Variants in SLC25A33 observed in about 807,000 individuals in gnomAD.
The protein encoded by SLC25A33 is solute carrier family 25 member 33, also known as bone marrow stromal cell mitochondrial carrier protein.
Under a neutral mutation model 35.5 loss-of-function variants are expected in SLC25A33, and 15 were observed. The observed-to-expected ratio is 0.42, with a 90% CI of 0.28 to 0.65. SLC25A33 has a LOEUF of 0.65. Among genes scored for constraint, SLC25A33 ranks in the 30% least tolerant of loss-of-function variants. SLC25A33 has a pLI of 0.20. For missense variants in SLC25A33, 257 were observed against 398.5 expected (o/e 0.64, Z 3.02); for synonymous variants, 136 against 148.7 (o/e 0.91, Z 0.62).
At chr1:9,556,675 CTG>C (rs1334964137) in intron 2 of SLC25A33, among the ~76,000 whole-genome samples, 1 of 149,310 alleles carries the variant, frequency 6.7e-6, no homozygotes, top group Non-Finnish European at 1.5e-5. Context: ...GTGTGTGTGT[CTG>C]TGTCTGTGTG....
At chr1:9,543,468 A>G (rs1474979401) in intron 1 of SLC25A33, among the ~76,000 whole-genome samples, 2 of 152,186 alleles carry the variant, frequency 1.3e-5, no homozygotes, top group East Asian at 1.9e-4. Flanking sequence ...CTATTGTTTA[A>G]ACCACCTCAT....
chr1:9,553,589 G>T, intron 1 of SLC25A33, 37 bp from the exon 2 acceptor site: 2 of 1,609,260 alleles, frequency 1.2e-6, no homozygotes, highest in Non-Finnish European at 1.7e-6. Flanking sequence ...GTAGGGAATA[G>T]TATAGCTTCT....
intron 5 of SLC25A33, chr1:9,576,891 T>C: frequency 1.5e-6 from 2 of 1,296,108 alleles, no homozygotes; most frequent in Non-Finnish European, 2.2e-6. Flanking sequence ...TCAGTTGCCT[T>C]GATTCAGCAA....
chr1:9,579,818 G>T, intron 5 of SLC25A33, 136 bp from the exon 6 acceptor site: 3 of 1,036,836 alleles, frequency 2.9e-6, no homozygotes, highest in Admixed American at 2.9e-5. Flanking sequence ...AAAGACAAGG[G>T]CTATGAGAGT....
chr1:9,575,085 C>T (rs938629832), intron 5 of SLC25A33, among the ~76,000 whole-genome samples: 5 of 151,572 alleles, frequency 3.3e-5, no homozygotes, highest in South Asian at 4.2e-4. Context: ...TGATGGTGGG[C>T]GCCTGTAGTC....
In SLC25A33 at chr1:9,582,512, A is replaced by T. The variant is rs201071322; in HGVS notation, c.*11A>T. ...GACCGTACTCAGTAACAGGCCGGAA[A>T]ATTGTGCTCTAGAAGAATAAAACTG... On this transcript the variant is annotated 3_prime_UTR_variant, in exon 7 of 7. Transcript: ENST00000302692. The surrounding 1 kb of genome is among the most constrained non-coding windows in gnomAD (Gnocchi z 4.0). 6.9e-6 allele frequency: 11 copies of T among 1,604,924 alleles called. No individual in the cohort carries two copies. Among genetic ancestry groups the T allele is most frequent in the Non-Finnish European group, 2.6e-6 (3 of 1,174,280 alleles).
At chr1:9,540,360 G>A (rs1227621550) in intron 1 of SLC25A33, among the ~76,000 whole-genome samples, 1 of 152,160 alleles carries the variant, frequency 6.6e-6, no homozygotes, top group African/African-American at 2.4e-5. Context: ...TCGCCGGCTG[G>A]TAGACGCTTC....
chr1:9,554,876 C>T (rs1249362199), intron 2 of SLC25A33, among the ~76,000 whole-genome samples: 1 of 152,092 alleles, frequency 6.6e-6, no homozygotes, highest in Non-Finnish European at 1.5e-5. Flanking sequence ...CAGAAGAGAA[C>T]TGATTGAATA....
At chr1:9,573,545 G>A (rs556790976) in intron 5 of SLC25A33, 133 bp downstream of exon 5, 5 of 705,316 alleles carry the variant, frequency 7.1e-6, no homozygotes, top group Admixed American at 5.6e-5. Flanking sequence ...CTAAGTGCAC[G>A]CAGGATTCCT....
At chr1:9,572,908 A>G (rs1013123945) in intron 4 of SLC25A33, among the ~76,000 whole-genome samples, 3 of 152,070 alleles carry the variant, frequency 2.0e-5, no homozygotes, top group African/African-American at 7.2e-5. Flanking sequence ...CTACAAAAAA[A>G]AAAAAAAAAA....
At position 9,563,688 on chromosome 1, in the gene SLC25A33, T is replaced by C. The variant is rs559326132; in HGVS notation, c.237-3596T>C. Among the ~76,000 whole-genome samples the C allele has an allele frequency of 9.7e-4, 147 of 152,304 alleles. 1 individual carries two copies. The highest frequency in any genetic ancestry group is 3.4e-3 in the African/African-American group (143 of 41,560). On this transcript the variant is annotated intron_variant, in intron 2 of 6. Transcript: ENST00000302692. ...TCATCATACCTTCTGTGTGTTATAA[T>C]GAAAGTAAAACATTCTATTAACTTT...
In SLC25A33 at chr1:9,553,682, G is replaced by A. The variant is rs986825706; in HGVS notation, c.113G>A (p.Arg38Gln). The A allele has an allele frequency of 5.0e-6, 8 of 1,613,982 alleles. No homozygotes were observed. Among genetic ancestry groups the A allele is most frequent in the African/African-American group, 2.7e-5 (2 of 74,914 alleles). ...FTCPLEVIKT[R>Q]LQSSRLALRT... ...TGTCCACTAGAAGTCATTAAGACAC[G>A]GTTGCAGTCTTCAAGATTAGCTCTC... is the stretch of plus-strand genomic sequence containing the variant. The change falls in exon 2 of 7, where the codon CGG (arginine) becomes CAG (glutamine). Residue 38 changes from arginine to glutamine, a missense_variant. Arg to Gln is a conservative substitution (Grantham distance 43). Coordinates refer to ENST00000302692, the MANE Select transcript of SLC25A33 (RefSeq NM_032315.3).
chr1:9,574,881 C>T (rs1557536386), intron 5 of SLC25A33, among the ~76,000 whole-genome samples: 1 of 152,156 alleles, frequency 6.6e-6, no homozygotes, highest in Non-Finnish European at 1.5e-5. Flanking sequence ...GATGCATTTT[C>T]TCCCCAGTCC....
intron 2 of SLC25A33, among the ~76,000 whole-genome samples, chr1:9,557,315 T>C (rs1215783843): frequency 2.6e-5 from 4 of 152,352 alleles, no homozygotes; most frequent in African/African-American, 9.6e-5. Context: ...TTATAATGTT[T>C]TGTCAGAAAG....
intron 1 of SLC25A33, 33 bp downstream of exon 1, chr1:9,539,780 C>G: frequency 7.4e-7 from 1 of 1,342,770 alleles, no homozygotes; most frequent in South Asian, 1.8e-5. Flanking sequence ...GCGCGCCCCA[C>G]CGCCTGCGGT....
rs183561676 is a variant in SLC25A33 at position 9,549,110 on chromosome 1, C to G, written c.57-4516C>G. 1.6e-3 allele frequency among the ~76,000 whole-genome samples: 251 copies of G among 152,216 alleles called. 2 individuals carry two copies. Among genetic ancestry groups the G allele is most frequent in the African/African-American group, 5.9e-3 (243 of 41,534 alleles). ...ACAAGTGAGAGGCTGGTGCATTGGC[C>G]CAAGCCAGCAGGATGAGAAGGGACT... is the stretch of plus-strand genomic sequence containing the variant. On this transcript the variant is annotated intron_variant, in intron 1 of 6. Transcript: ENST00000302692.
intron 1 of SLC25A33, among the ~76,000 whole-genome samples, chr1:9,549,535 G>A (rs1643232128): frequency 6.6e-6 from 1 of 151,972 alleles, no homozygotes; most frequent in Admixed American, 6.6e-5. Context: ...GGGATCAATG[G>A]GAGTTCCCAG....
chr1:9,553,985 G>A (rs569939610), intron 2 of SLC25A33, among the ~76,000 whole-genome samples, 180 bp downstream of exon 2: 62 of 152,216 alleles, frequency 4.1e-4, no homozygotes, highest in African/African-American at 1.5e-3. Context: ...GGCAGCGGGG[G>A]GTCCCAGTGT....
rs1427724621 is a variant in SLC25A33, at chr1:9,583,217, C to T, written c.*716C>T. 1 of 141,956 alleles carries T rather than the reference C, an allele frequency of 7.0e-6. No homozygotes were observed. The highest frequency in any genetic ancestry group is 3.3e-3 in the Middle Eastern group (1 of 302). 8.8% of individuals were successfully genotyped at this position (141,956 alleles called of 1,614,324 possible). On this transcript the variant is annotated 3_prime_UTR_variant, in exon 7 of 7. Transcript: ENST00000302692. Reference sequence around the variant, plus strand: ...TGGTCGACAGAGTGAGACTCCATCTCAAAAAAAAAAAAATTGTGTCACATT... The same window carrying T: ...TGGTCGACAGAGTGAGACTCCATCTTAAAAAAAAAAAAATTGTGTCACATT...
Sources: gnomAD v4.1 joint callset for allele counts (sites outside exome capture counted in the v4.1 genomes callset) on GRCh38, gnomAD v4.1.1 for gene constraint, Gnocchi (gnomAD v3.1) non-coding constraint, MANE v1.5 for transcripts, NCBI Gene and HGNC (gene_info 2026-07-23, HGNC 2026-07-21) for gene names.